Variants in PABPC4L observed in about 807,000 individuals in gnomAD.
PABPC4L encodes polyadenylate-binding protein 4-like.
For missense variants in PABPC4L, 452 were observed against 451.4 expected, an observed-to-expected ratio of 1.00 and a Z score of -0.01; for synonymous variants, 169 against 164.1, an observed-to-expected ratio of 1.03 and a Z score of -0.23.
the PABPC4L span, among the ~76,000 whole-genome samples, chr4:134,080,245 G>A: frequency 6.6e-6 from 1 of 152,036 alleles, no homozygotes; most frequent in South Asian, 2.1e-4. Context: ...TAACTACTTT[G>A]ACCAGTGCCA....
the PABPC4L span, among the ~76,000 whole-genome samples, chr4:133,971,178 T>C: frequency 0.018 from 2,434 of 136,474 alleles, 44 homozygotes; most frequent in Non-Finnish European, 0.024. Flanking sequence ...AGTGGAACAA[T>C]CTCGGCTCAC....
At chr4:134,098,417 T>G in the PABPC4L span, among the ~76,000 whole-genome samples, 9 of 151,864 alleles carry the variant, frequency 5.9e-5, 1 homozygote, top group East Asian at 5.8e-4. Context: ...TTGTTTGTTT[T>G]TTTATTTTTT....
the PABPC4L span, among the ~76,000 whole-genome samples, chr4:134,010,249 A>C: frequency 6.6e-6 from 1 of 152,234 alleles, no homozygotes; most frequent in Admixed American, 6.5e-5. Flanking sequence ...ACAACTGTCT[A>C]AAATGTATAT....
the PABPC4L span, among the ~76,000 whole-genome samples, chr4:134,112,271 ACT>A: frequency 6.6e-6 from 1 of 151,948 alleles, no homozygotes; most frequent in Non-Finnish European, 1.5e-5. Flanking sequence ...ATACATTCAA[ACT>A]CTGATTTCTG....
At chr4:134,034,378 A>T in the PABPC4L span, among the ~76,000 whole-genome samples, 1 of 151,972 alleles carries the variant, frequency 6.6e-6, no homozygotes, top group Non-Finnish European at 1.5e-5. Context: ...GCCTATTAAC[A>T]CAACATCCAT....
the PABPC4L span, among the ~76,000 whole-genome samples, chr4:134,062,558 A>C: frequency 7.9e-5 from 12 of 152,080 alleles, 1 homozygote; most frequent in South Asian, 2.3e-3. Context: ...AATTGATGTT[A>C]CTAGTAAGAA....
the PABPC4L span, among the ~76,000 whole-genome samples, chr4:134,190,593 T>C: frequency 6.6e-6 from 1 of 152,134 alleles, no homozygotes; most frequent in Admixed American, 6.6e-5. Flanking sequence ...ATGACTATAA[T>C]ACTTCTCATA....
At chr4:134,032,346 T>G in the PABPC4L span, among the ~76,000 whole-genome samples, 1 of 151,912 alleles carries the variant, frequency 6.6e-6, no homozygotes, top group Admixed American at 6.6e-5. Context: ...TTATAAATTC[T>G]ACTAACAAAA....
chr4:133,987,741 G>T, the PABPC4L span, among the ~76,000 whole-genome samples: 1 of 152,222 alleles, frequency 6.6e-6, no homozygotes, highest in Non-Finnish European at 1.5e-5. Flanking sequence ...AAATTGTAAA[G>T]TGTTGCATAA....
At chr4:134,124,614 G>A in the PABPC4L span, among the ~76,000 whole-genome samples, 1 of 151,936 alleles carries the variant, frequency 6.6e-6, no homozygotes, top group South Asian at 2.1e-4. Flanking sequence ...ACAGCAGTAG[G>A]CATTCTTCCA....
the PABPC4L span, among the ~76,000 whole-genome samples, chr4:134,140,714 T>C: frequency 6.6e-6 from 1 of 151,872 alleles, no homozygotes. Context: ...TTATAGGAGA[T>C]ACAATATGTA....
At chr4:134,079,836 A>T in the PABPC4L span, among the ~76,000 whole-genome samples, 1 of 151,988 alleles carries the variant, frequency 6.6e-6, no homozygotes, top group Non-Finnish European at 1.5e-5. Context: ...ATTTAATATT[A>T]TATGGTTTTT....
the PABPC4L span, among the ~76,000 whole-genome samples, chr4:133,963,156 C>T: frequency 7.9e-5 from 12 of 151,912 alleles, no homozygotes; most frequent in Admixed American, 3.3e-4. Flanking sequence ...AGGCATTTCA[C>T]GAAAATGGAC....
At chr4:134,167,202 T>TA in the PABPC4L span, among the ~76,000 whole-genome samples, 1 of 152,080 alleles carries the variant, frequency 6.6e-6, no homozygotes, top group Non-Finnish European at 1.5e-5. Flanking sequence ...ATGCTAACTA[T>TA]GGACTGTGTG....
At chr4:134,058,250 G>A in the PABPC4L span, among the ~76,000 whole-genome samples, 1 of 151,922 alleles carries the variant, frequency 6.6e-6, no homozygotes, top group African/African-American at 2.4e-5. Flanking sequence ...AATAAATTGA[G>A]AAGAAGAGTA....
chr4:134,098,351 G>C, the PABPC4L span, among the ~76,000 whole-genome samples: 2 of 151,706 alleles, frequency 1.3e-5, no homozygotes, highest in Non-Finnish European at 1.5e-5. Flanking sequence ...GGTAAGAGTT[G>C]TTTGCTAGAC....
At chr4:133,963,267 AG>A in the PABPC4L span, among the ~76,000 whole-genome samples, 4 of 152,208 alleles carry the variant, frequency 2.6e-5, no homozygotes, top group Admixed American at 2.6e-4. Context: ...TAATGGTAAA[AG>A]GTCTTGTCCA....
the PABPC4L span, among the ~76,000 whole-genome samples, chr4:134,149,963 C>T: frequency 4.3e-4 from 66 of 152,008 alleles, 1 homozygote; most frequent in Admixed American, 1.2e-3. Flanking sequence ...GAAGAGGGAG[C>T]CCATATTGGG....
At chr4:134,141,926 C>A in the PABPC4L span, among the ~76,000 whole-genome samples, 1 of 151,698 alleles carries the variant, frequency 6.6e-6, no homozygotes, top group African/African-American at 2.4e-5. Context: ...AAAAGATTGT[C>A]ACTTCTTTCT....
Sources: allele counts gnomAD v4.1 joint callset (sites outside exome capture counted in the v4.1 genomes callset), GRCh38; gene constraint gnomAD v4.1.1; transcripts MANE v1.5; gene names NCBI Gene and HGNC (gene_info 2026-07-23, HGNC 2026-07-21).